Variants in MRE11 observed in about 807,000 individuals in gnomAD.
The protein encoded by MRE11 is double-strand break repair protein MRE11.
MRE11 carries 62 observed loss-of-function variants against 91.7 expected under a neutral mutation model. The ratio of observed to expected loss-of-function variants is 0.68; its 90% CI spans 0.55 to 0.84. The LOEUF (loss-of-function observed/expected upper bound fraction) is 0.84, where lower values mean the gene tolerates loss of function less well. Among genes scored for constraint, MRE11 ranks in the 40% least tolerant of loss-of-function variants. The pLI, the probability that MRE11 is intolerant of heterozygous loss-of-function variation, is 0.00. For synonymous variants in MRE11, 273 were observed against 271.4 expected, an observed-to-expected ratio of 1.01 and a Z score of -0.06; for missense variants, 796 against 852.9, an observed-to-expected ratio of 0.93 and a Z score of 0.83.
upstream of MRE11, chr11:94,496,780 G>T: frequency 1.2e-6 from 2 of 1,613,960 alleles, no homozygotes. Context: ...AACTTGAATT[G>T]TTGGAAACAC....
At chr11:94,461,093 T>C (rs774946305) in intron 11 of MRE11, 57 bp from the exon 12 acceptor site, 17 of 1,413,694 alleles carry the variant, frequency 1.2e-5, no homozygotes, top group Non-Finnish European at 1.7e-5. Flanking sequence ...AAAATGTGCA[T>C]ACTCATTGCA....
intron 12 of MRE11, among the ~76,000 whole-genome samples, chr11:94,459,783 AGGCCTGAT>A (rs1247449985): frequency 6.6e-6 from 1 of 152,210 alleles, no homozygotes; most frequent in Non-Finnish European, 1.5e-5. Context: ...TGAAATGTAG[AGGCCTGAT>A]GGCTAGGATA....
chr11:94,441,977 CAAAAAA>C (rs35673778), intron 16 of MRE11, among the ~76,000 whole-genome samples: 9 of 48,198 alleles, frequency 1.9e-4, no homozygotes, highest in South Asian at 9.0e-4. Flanking sequence ...GACTCTGTCT[CAAAAAA>C]AAAAAAAAAA....
intron 19 of MRE11, among the ~76,000 whole-genome samples, chr11:94,425,903 T>C (rs933599407): frequency 1.5e-4 from 23 of 152,178 alleles, no homozygotes; most frequent in South Asian, 4.1e-4. Flanking sequence ...AACACCCCAC[T>C]GACAGTGTTA....
At chr11:94,430,504 T>C (rs1945436075) in intron 18 of MRE11, among the ~76,000 whole-genome samples, 1 of 150,434 alleles carries the variant, frequency 6.6e-6, no homozygotes, top group African/African-American at 2.5e-5. Context: ...TTTTTTGAGA[T>C]GGAGTCTCGC....
chr11:94,496,544 A>G, upstream of MRE11: 1 of 687,386 alleles, frequency 1.5e-6, no homozygotes, highest in Non-Finnish European at 2.4e-6. Flanking sequence ...AGACTTATCT[A>G]TGCAGTTGAT....
intron 13 of MRE11, among the ~76,000 whole-genome samples, chr11:94,458,823 C>T (rs77973064): frequency 1.2e-3 from 187 of 152,094 alleles, no homozygotes; most frequent in African/African-American, 4.2e-3. Context: ...TTTTATGAAC[C>T]ACCTATTCAT....
upstream of MRE11, chr11:94,498,121 T>C: frequency 6.2e-7 from 1 of 1,614,040 alleles, no homozygotes; most frequent in Non-Finnish European, 8.5e-7. Flanking sequence ...ACGTGAACAC[T>C]AGGGATGAAG....
At chr11:94,478,599 C>T in intron 6 of MRE11, 136 bp downstream of exon 6, 2 of 1,017,186 alleles carry the variant, frequency 2.0e-6, no homozygotes, top group Non-Finnish European at 2.8e-6. Flanking sequence ...CCAAAACCAT[C>T]CATCATTTTT....
At chr11:94,502,505 TAAC>T in the MRE11 span, among the ~76,000 whole-genome samples, 1 of 152,218 alleles carries the variant, frequency 6.6e-6, no homozygotes, top group Non-Finnish European at 1.5e-5. Flanking sequence ...TTTGAGGACA[TAAC>T]AATTACTATC....
chr11:94,490,868 G>A lies in MRE11; in HGVS notation c.118C>T (p.Leu40Phe), dbSNP rs1947265336. The change falls in exon 3 of 20, where the codon CTC (leucine) becomes TTC (phenylalanine). Residue 40 changes from leucine to phenylalanine, a missense_variant. Transcript: ENST00000323929. ...AVRGNDTFVT[L>F]DEILRLAQEN... Reference sequence around the variant, plus strand: ...TGGGCAAGTCTTAAAATTTCATCGAGTGTTACAAACGTATCATTTCCTCTG... The same window carrying A: ...TGGGCAAGTCTTAAAATTTCATCGAATGTTACAAACGTATCATTTCCTCTG... 1 of 1,613,468 alleles carries A rather than the reference G, an allele frequency of 6.2e-7. No homozygotes were observed. The highest frequency in any genetic ancestry group is 8.5e-7 in the Non-Finnish European group (1 of 1,179,716).
At chr11:94,457,885 T>TCG (rs1158623244) in intron 13 of MRE11, among the ~76,000 whole-genome samples, 1 of 77,440 alleles carries the variant, frequency 1.3e-5, no homozygotes, top group Non-Finnish European at 2.6e-5. Flanking sequence ...TCTCTCTCTC[T>TCG]CTCACACACA....
At position 94,492,833 on chromosome 11, in the gene MRE11, G is replaced by C; in HGVS notation, c.-32C>G. ...GGTCAGTCAAGCTCCTCTGGGACCA[G>C]GTTCTTCTCCAAGAACCCCTGGGTA... On this transcript the variant is annotated 5_prime_UTR_variant, in exon 2 of 20. Transcript: ENST00000323929. 2.5e-6 allele frequency: 4 copies of C among 1,609,222 alleles called. No individual in the cohort carries two copies. The highest frequency in any genetic ancestry group is 3.4e-6 in the Non-Finnish European group (4 of 1,176,510).
intron 1 of MRE11, 56 bp from the exon 2 acceptor site, chr11:94,492,962 C>T: frequency 1.5e-6 from 1 of 683,208 alleles, no homozygotes; most frequent in Non-Finnish European, 2.5e-6. Context: ...ACGTATTTAA[C>T]CAACATGATT....
At chr11:94,496,775 G>C (rs777177524), upstream of MRE11, 1 of 1,613,732 alleles carries the variant, frequency 6.2e-7, no homozygotes. Flanking sequence ...TAACCAACTT[G>C]AATTGTTGGA....
chr11:94,486,034 T>C lies in MRE11; in HGVS notation c.204A>G (p.Ser68=). The C allele has an allele frequency of 6.2e-7, 1 of 1,613,840 alleles. No homozygotes were observed. Among genetic ancestry groups the C allele is most frequent in the African/African-American group, 1.3e-5 (1 of 75,002 alleles). The change falls in exon 4 of 20, where the codon TCA becomes TCG. Residue 68 remains serine, a synonymous_variant. Coordinates refer to ENST00000323929, the MANE Select transcript of MRE11 (RefSeq NM_005591.4). ...GGDLFHENKP[S]RKTLHTCLEL... is the part of the protein sequence containing the mutation. ...CGAGGCAGGTATGTAATGTTTTCCT[T>C]GAGGGCTTATTTTCATGAAAAAGAT...
chr11:94,459,450 T>C lies in MRE11; in HGVS notation c.1458A>G (p.Lys486=), dbSNP rs587781590. The C allele has an allele frequency of 6.2e-7, 1 of 1,614,056 alleles. No individual in the cohort carries two copies. The highest frequency in any genetic ancestry group is 8.5e-7 in the Non-Finnish European group (1 of 1,179,940). ...YQLEKTQRFL[K]ERHIDALEDK... Reference sequence around the variant, plus strand: ...CTTCGAGGGCATCAATATGACGTTCTTTAAGAAATCGCTGTGTTTTTTCCA... The same window carrying C: ...CTTCGAGGGCATCAATATGACGTTCCTTAAGAAATCGCTGTGTTTTTTCCA... Residue 486 remains lysine (K), a synonymous_variant, in exon 13 of 20, where the codon AAA becomes AAG. Transcript: ENST00000323929.
chr11:94,483,897 T>C (rs1167016765), intron 4 of MRE11: 1 of 152,200 alleles, frequency 6.6e-6, no homozygotes, highest in Non-Finnish European at 1.5e-5. Flanking sequence ...AGTATGTCTA[T>C]TCTCATGGGT....
chr11:94,476,820 A>C (rs1050382803), intron 6 of MRE11, among the ~76,000 whole-genome samples: 1 of 152,060 alleles, frequency 6.6e-6, no homozygotes, highest in African/African-American at 2.4e-5. Context: ...TCCTGGGTTC[A>C]AGGGATTCTT....
Sources: gnomAD v4.1 joint callset for allele counts (sites outside exome capture counted in the v4.1 genomes callset) on GRCh38, gnomAD v4.1.1 for gene constraint, MANE v1.5 for transcripts, NCBI Gene and HGNC (gene_info 2026-07-23, HGNC 2026-07-21) for gene names.